The following KRAS variants were observed in gnomAD, a reference collection of about 807,000 sequenced individuals.
KRAS encodes the protein GTPase KRas.
In KRAS, 1 loss-of-function variant was observed where a neutral mutation model predicts 21.0. The ratio of observed to expected loss-of-function variants is 0.05; its 90% confidence interval spans 0.02 to 0.23. The LOEUF is 0.23. KRAS is among the 10% of genes least tolerant of loss of function. The pLI is 1.00. For missense variants in KRAS, 107 were observed against 221.8 expected, an observed-to-expected ratio of 0.48 and a Z score of 3.29; for synonymous variants, 67 against 72.5, an observed-to-expected ratio of 0.92 and a Z score of 0.39.
intron 2 of KRAS, among the ~76,000 whole-genome samples, chr12:25,236,054 G>T (rs1346784745): frequency 6.6e-6 from 1 of 152,036 alleles, no homozygotes; most frequent in African/African-American, 2.4e-5. Context: ...AGGCCACACA[G>T]GTGGGTACCA....
intron 1 of KRAS, among the ~76,000 whole-genome samples, chr12:25,248,034 T>C (rs1468517665): frequency 2.0e-5 from 3 of 152,128 alleles, no homozygotes; most frequent in African/African-American, 7.2e-5. Context: ...TCCTGGATTT[T>C]TTTTTTCTTT....
chr12:25,222,874 T>C (rs563781605), intron 4 of KRAS, among the ~76,000 whole-genome samples: 2 of 152,172 alleles, frequency 1.3e-5, no homozygotes, highest in Non-Finnish European at 2.9e-5. Flanking sequence ...ACAGCTATTT[T>C]AGGATATTAT....
At chr12:25,210,086 T>C (rs1270432952) in intron 4 of KRAS, among the ~76,000 whole-genome samples, 175 bp from the exon 5 acceptor site, 4 of 152,198 alleles carry the variant, frequency 2.6e-5, no homozygotes, top group Admixed American at 6.5e-5. Context: ...GTCATCCGCA[T>C]AGGTGTTTTG....
At chr12:25,238,843 TAAAC>T (rs1187030365) in intron 2 of KRAS, among the ~76,000 whole-genome samples, 2 of 152,246 alleles carry the variant, frequency 1.3e-5, no homozygotes, top group Admixed American at 6.5e-5. Flanking sequence ...TTTAAAATCA[TAAAC>T]AACACTGCAG....
chr12:25,250,178 C>G (rs1951746050), intron 1 of KRAS, among the ~76,000 whole-genome samples: 1 of 152,314 alleles, frequency 6.6e-6, no homozygotes, highest in African/African-American at 2.4e-5. Context: ...CGTGACCTCC[C>G]CTCTTACTCA....
intron 1 of KRAS, among the ~76,000 whole-genome samples, chr12:25,246,281 G>T (rs1418410635): frequency 1.3e-5 from 2 of 152,168 alleles, no homozygotes; most frequent in African/African-American, 2.4e-5. Context: ...TAGAAAGCCG[G>T]GTGCGGCGGC....
chr12:25,245,343 T>G lies in KRAS; in HGVS notation c.42A>C (p.Val14=). The change falls in exon 2 of 5, where the codon GTA becomes GTC. Residue 14 remains valine, a synonymous_variant. Transcript: ENST00000311936. The stretch of plus-strand genomic sequence containing the variant: ...GCTGTATCGTCAAGGCACTCTTGCC[T>G]ACGCCACCAGCTCCAACTACCACAA... The part of the protein sequence containing the change: ...YKLVVVGAGG[V]GKSALTIQLI... 6.2e-7 allele frequency: 1 copy of G among 1,613,034 alleles called. No individual in the cohort carries two copies. The highest frequency in any genetic ancestry group is 1.1e-5 in the South Asian group (1 of 90,830).
In KRAS at chr12:25,225,797, GCA is replaced by G. The variant is rs572315174; in HGVS notation, c.291-26_291-25del. 1.3e-5 allele frequency: 21 copies of G among 1,603,806 alleles called. No homozygotes were observed. The African/African-American group carries it at 2.5e-4, about 19-fold the overall frequency. On this transcript the variant is annotated intron_variant, in intron 3 of 4. Coordinates refer to ENST00000311936, the MANE Select transcript of KRAS (RefSeq NM_004985.5). ...CTCTGGGAAAGAAAAAAAAGTTATA[GCA>G]CAGTCATTAGTAACACAAATATCTT...
chr12:25,248,245 G>A (rs1045154286), intron 1 of KRAS, among the ~76,000 whole-genome samples: 17 of 152,054 alleles, frequency 1.1e-4, no homozygotes, highest in Admixed American at 4.6e-4. Context: ...CGGATCACCT[G>A]AGGTCAGGAG....
At chr12:25,247,059 T>C (rs1855984283) in intron 1 of KRAS, among the ~76,000 whole-genome samples, 1 of 152,168 alleles carries the variant, frequency 6.6e-6, no homozygotes. Flanking sequence ...AAATAAAACA[T>C]ATTTTTTAGT....
intron 2 of KRAS, among the ~76,000 whole-genome samples, chr12:25,242,405 C>T (rs960205320): frequency 6.6e-6 from 1 of 152,008 alleles, no homozygotes; most frequent in Non-Finnish European, 1.5e-5. Flanking sequence ...AAAAAAACTT[C>T]AGGGTTTTGA....
chr12:25,221,936 G>A (rs1391127820), intron 4 of KRAS, among the ~76,000 whole-genome samples: 1 of 152,084 alleles, frequency 6.6e-6, no homozygotes, highest in African/African-American at 2.4e-5. Context: ...GGATCACGAG[G>A]TCAAGAGATC....
chr12:25,225,288 A>ATTTTTT (rs1294642780), intron 4 of KRAS: 10 of 4,338 alleles, frequency 2.3e-3, no homozygotes, highest in Admixed American at 8.6e-3. Context: ...CCTGTTCTTT[A>ATTTTTT]TATATATATA....
At chr12:25,232,059 A>C (rs1951480193) in intron 2 of KRAS, among the ~76,000 whole-genome samples, 1 of 152,144 alleles carries the variant, frequency 6.6e-6, no homozygotes, top group Non-Finnish European at 1.5e-5. Flanking sequence ...ATGAAAAGTC[A>C]GCCCTCCATA....
chr12:25,234,061 T>C (rs1409344222), intron 2 of KRAS: 2 of 183,090 alleles, frequency 1.1e-5, no homozygotes, highest in African/African-American at 4.7e-5. Context: ...TGTTTCAATG[T>C]TCTCTTAGAA....
intron 2 of KRAS, among the ~76,000 whole-genome samples, chr12:25,241,673 CT>C: frequency 6.6e-6 from 1 of 152,292 alleles, no homozygotes; most frequent in Middle Eastern, 3.4e-3. Flanking sequence ...GTTGTGGGGG[CT>C]TTCCCGTGCA....
At chr12:25,229,610 T>C (rs1951439482) in intron 2 of KRAS, among the ~76,000 whole-genome samples, 2 of 148,492 alleles carry the variant, frequency 1.3e-5, no homozygotes, top group African/African-American at 2.6e-5. Flanking sequence ...ATTTCACACA[T>C]TCTGCCAAAA....
intron 2 of KRAS, among the ~76,000 whole-genome samples, chr12:25,245,004 C>T (rs530200059): frequency 2.1e-4 from 32 of 152,200 alleles, no homozygotes; most frequent in African/African-American, 7.0e-4. Flanking sequence ...AGATAGGATA[C>T]AAATTTCTAC....
intron 2 of KRAS, among the ~76,000 whole-genome samples, chr12:25,243,040 T>C (rs1226985403): frequency 1.3e-5 from 2 of 152,192 alleles, no homozygotes; most frequent in East Asian, 3.8e-4. Context: ...TGCTAATAAT[T>C]CCAAAATGTG....
Sources: allele counts gnomAD v4.1 joint callset (sites outside exome capture counted in the v4.1 genomes callset), GRCh38; gene constraint gnomAD v4.1.1; transcripts MANE v1.5; gene names NCBI Gene and HGNC (gene_info 2026-07-23, HGNC 2026-07-21).